The following CDKL3 variants were observed in gnomAD, a reference collection of about 807,000 sequenced individuals.
CDKL3 encodes cyclin-dependent kinase-like 3.
A neutral mutation model predicts 69.3 loss-of-function variants in CDKL3; 65 were observed. That is an observed-to-expected ratio of 0.94 (90% CI 0.77 to 1.15). CDKL3 has a LOEUF of 1.15. Among genes scored for constraint, CDKL3 ranks in the 50% most tolerant of loss-of-function variants. The pLI is 0.00. For missense variants in CDKL3, 652 were observed against 689.2 expected (o/e 0.95, Z 0.61); for synonymous variants, 202 against 221.6 (o/e 0.91, Z 0.79).
rs191714406 is a variant in CDKL3, at chr5:134,298,826, T to C, written c.1720-116A>G. 3.8e-5 allele frequency: 52 copies of C among 1,369,592 alleles called. No individual in the cohort carries two copies. The Admixed American group carries it at 1.2e-3, about 31-fold the overall frequency. 84.8% of individuals were successfully genotyped at this position (1,369,592 alleles called of 1,614,324 possible). A position where few individuals can be genotyped will look rare whatever the true frequency, so the allele number is the denominator to read the frequency against. ...GTAAATTACTAAATTATAAACATGC[T>C]AGTCAAGCCAAAAGATTTGCTTCAA... On this transcript the variant is annotated intron_variant, in intron 12 of 12. Coordinates refer to ENST00000265334, the MANE Select transcript of CDKL3 (RefSeq NM_001113575.2).
intron 4 of CDKL3, among the ~76,000 whole-genome samples, chr5:134,337,275 A>G (rs1484604172): frequency 6.6e-6 from 1 of 152,162 alleles, no homozygotes; most frequent in Non-Finnish European, 1.5e-5. Flanking sequence ...CTTCACTAGG[A>G]AAGGGAAATC....
chr5:134,289,605 C>T (rs1023377200), intron 8 of CDKL3, among the ~76,000 whole-genome samples: 4 of 152,150 alleles, frequency 2.6e-5, no homozygotes, highest in African/African-American at 9.7e-5. Flanking sequence ...AAAAGCACAG[C>T]TGTATTAGCA....
At chr5:134,341,909 C>G (rs1750592200) in intron 4 of CDKL3, among the ~76,000 whole-genome samples, 2 of 152,238 alleles carry the variant, frequency 1.3e-5, no homozygotes, top group South Asian at 4.1e-4. Flanking sequence ...ACACCATCTC[C>G]TCAAACCTGC....
intron 4 of CDKL3, among the ~76,000 whole-genome samples, chr5:134,328,311 C>T (rs1358013966): frequency 6.6e-6 from 1 of 152,010 alleles, no homozygotes; most frequent in African/African-American, 2.4e-5. Flanking sequence ...TAGAGAATAT[C>T]AATCAAGAGA....
At chr5:134,316,545 T>A (rs146243495) in intron 6 of CDKL3, among the ~76,000 whole-genome samples, 1 of 150,568 alleles carries the variant, frequency 6.6e-6, no homozygotes, top group African/African-American at 2.4e-5. Flanking sequence ...TGCAGTGAGC[T>A]GAGATCGTGC....
intron 4 of CDKL3, among the ~76,000 whole-genome samples, chr5:134,334,011 A>G (rs904409042): frequency 1.3e-5 from 2 of 152,254 alleles, no homozygotes; most frequent in East Asian, 1.9e-4. Context: ...CTATTCAGAG[A>G]TTCAACATCT....
upstream of CDKL3, among the ~76,000 whole-genome samples, chr5:134,369,018 C>G (rs1758041946): frequency 6.6e-6 from 1 of 152,194 alleles, no homozygotes; most frequent in Non-Finnish European, 1.5e-5. Context: ...CAGAGCAAAA[C>G]TCTGTCTCAA....
chr5:134,367,837 G>A (rs747207790), upstream of CDKL3, among the ~76,000 whole-genome samples: 11 of 152,160 alleles, frequency 7.2e-5, no homozygotes, highest in Non-Finnish European at 1.5e-4. Flanking sequence ...ACGAAATGAT[G>A]TACAAGAGCA....
upstream of CDKL3, among the ~76,000 whole-genome samples, chr5:134,368,618 CAAAAAAAAAAA>C (rs11339001): frequency 1.4e-5 from 1 of 69,804 alleles, no homozygotes; most frequent in East Asian, 4.0e-4. Context: ...GACTCCATCT[CAAAAAAAAAAA>C]AAAAAAAAAA....
At chr5:134,343,737 G>A (rs1028111160) in intron 4 of CDKL3, among the ~76,000 whole-genome samples, 10 of 152,138 alleles carry the variant, frequency 6.6e-5, no homozygotes, top group East Asian at 3.8e-4. Context: ...AGTGCAAGAA[G>A]ACAGCTTCCA....
intron 6 of CDKL3, 129 bp downstream of exon 6, chr5:134,319,229 G>T: frequency 1.6e-6 from 1 of 640,780 alleles, no homozygotes; most frequent in Non-Finnish European, 2.4e-6. Flanking sequence ...TACTCGGAAG[G>T]CTGAGGCAGG....
rs186119803 is a variant in CDKL3, at chr5:134,306,596, C to T, written c.1458+13G>A. ...AAAGAGGCCATATTTTAATGTGTAG[C>T]TTCTTGCCTTACTTGAATAGGACCT... On this transcript the variant is annotated intron_variant, in intron 10 of 12. Coordinates refer to ENST00000265334, the MANE Select transcript of CDKL3 (RefSeq NM_001113575.2). 8.2e-4 allele frequency: 1,217 copies of T among 1,481,514 alleles called. 22 individuals carry two copies. In the Admixed American group the frequency reaches 0.019, roughly 23 times the overall value. The allele number at this position is 1,481,514 out of a possible 1,614,324, so 91.8% of individuals were successfully genotyped here. A position where few individuals can be genotyped will look rare whatever the true frequency, so the allele number is the denominator to read the frequency against.
chr5:134,343,267 C>G (rs1321335583), intron 4 of CDKL3, among the ~76,000 whole-genome samples: 1 of 151,234 alleles, frequency 6.6e-6, no homozygotes, highest in Non-Finnish European at 1.5e-5. Context: ...ATCAATGGAA[C>G]AGAATTGAGA....
At chr5:134,367,789 C>T (rs971877873), upstream of CDKL3, among the ~76,000 whole-genome samples, 1 of 152,200 alleles carries the variant, frequency 6.6e-6, no homozygotes, top group Non-Finnish European at 1.5e-5. Context: ...ACATGTCAAA[C>T]TCTAGGAAAG....
At chr5:134,363,713 G>A (rs1482064456) in intron 2 of CDKL3, among the ~76,000 whole-genome samples, 1 of 151,756 alleles carries the variant, frequency 6.6e-6, no homozygotes, top group African/African-American at 2.4e-5. Context: ...CGCCCGCCTC[G>A]GCCTCCCAAA....
intron 2 of CDKL3, among the ~76,000 whole-genome samples, chr5:134,360,361 T>C (rs549228460): frequency 1.3e-5 from 2 of 152,228 alleles, no homozygotes; most frequent in East Asian, 3.9e-4. Flanking sequence ...TGCACCACCA[T>C]GCCCAGCTCA....
upstream of CDKL3, chr5:134,371,490 G>C: frequency 5.6e-6 from 8 of 1,433,376 alleles, no homozygotes; most frequent in Non-Finnish European, 7.5e-6. Context: ...CGGCGGCGGC[G>C]GCGGCGGCGG....
chr5:134,333,105 T>TG (rs1776208826), intron 4 of CDKL3, among the ~76,000 whole-genome samples: 1 of 152,240 alleles, frequency 6.6e-6, no homozygotes, highest in Non-Finnish European at 1.5e-5. Flanking sequence ...TGTCTGTTCT[T>TG]GGTGTATAGA....
chr5:134,312,620 A>G (rs1769868861), intron 6 of CDKL3, among the ~76,000 whole-genome samples: 1 of 152,226 alleles, frequency 6.6e-6, no homozygotes, highest in Non-Finnish European at 1.5e-5. Context: ...GCCAAAACAG[A>G]GGTCAGTCTG....
Sources: allele counts gnomAD v4.1 joint callset (sites outside exome capture counted in the v4.1 genomes callset), GRCh38; gene constraint gnomAD v4.1.1; transcripts MANE v1.5; gene names NCBI Gene and HGNC (gene_info 2026-07-23, HGNC 2026-07-21).